Variants in KCNH8 observed in about 807,000 individuals in gnomAD.
KCNH8 encodes potassium voltage-gated channel subfamily H member 8, also known as voltage-gated delayed rectifier potassium channel KCNH8.
A neutral mutation model predicts 103.6 loss-of-function variants in KCNH8; 70 were observed. The ratio of observed to expected loss-of-function variants is 0.68; its 90% CI spans 0.56 to 0.82. The LOEUF (loss-of-function observed/expected upper bound fraction) is 0.82. KCNH8 is among the 40% of genes least tolerant of loss of function. KCNH8 has a pLI of 0.00. For synonymous variants in KCNH8, 498 were observed against 489.4 expected, an observed-to-expected ratio of 1.02 and a Z score of -0.23; for missense variants, 1,217 against 1,329.9, an observed-to-expected ratio of 0.92 and a Z score of 1.32.
At chr3:19,443,384 A>G (rs1374326539) in intron 8 of KCNH8, among the ~76,000 whole-genome samples, 1 of 150,216 alleles carries the variant, frequency 6.7e-6, no homozygotes. Context: ...ATATATATAT[A>G]TAAATATACA....
intron 11 of KCNH8, among the ~76,000 whole-genome samples, chr3:19,487,039 G>T (rs369095427): frequency 6.6e-6 from 1 of 152,194 alleles, no homozygotes; most frequent in Non-Finnish European, 1.5e-5. Context: ...CCAGCAGAAG[G>T]TCGTTCATGT....
chr3:19,469,047 A>G (rs1575103408), intron 11 of KCNH8, among the ~76,000 whole-genome samples: 1 of 152,218 alleles, frequency 6.6e-6, no homozygotes, highest in East Asian at 1.9e-4. Context: ...AATTTTTTAA[A>G]TCATATCTGA....
chr3:19,264,970 A>T (rs2064487667), intron 2 of KCNH8, among the ~76,000 whole-genome samples: 1 of 152,022 alleles, frequency 6.6e-6, no homozygotes, highest in Admixed American at 6.6e-5. Context: ...TAAGCTTTCC[A>T]CCTAGGAAGC....
At chr3:19,488,001 T>G (rs7641665) in intron 11 of KCNH8, among the ~76,000 whole-genome samples, 6 of 152,100 alleles carry the variant, frequency 3.9e-5, no homozygotes, top group Admixed American at 3.9e-4. Context: ...GCACCAGTAT[T>G]GACCAAAAAC....
intron 4 of KCNH8, among the ~76,000 whole-genome samples, chr3:19,344,712 A>G (rs1345015264): frequency 1.3e-5 from 2 of 152,116 alleles, no homozygotes; most frequent in African/African-American, 4.8e-5. Context: ...TATTGAATAA[A>G]CAATAAATTT....
At chr3:19,202,493 G>T (rs567966203) in intron 1 of KCNH8, among the ~76,000 whole-genome samples, 1 of 152,178 alleles carries the variant, frequency 6.6e-6, no homozygotes, top group East Asian at 1.9e-4. Context: ...AATTGTGTTT[G>T]CCGATAATAC....
chr3:19,203,957 A>G (rs79954124), intron 1 of KCNH8, among the ~76,000 whole-genome samples: 2,998 of 152,186 alleles, frequency 0.02, 95 homozygotes, highest in African/African-American at 0.067. Flanking sequence ...ATAAGTGCCA[A>G]TTTTATTTTT....
At chr3:19,344,280 A>C (rs1235197504) in intron 4 of KCNH8, among the ~76,000 whole-genome samples, 1 of 152,118 alleles carries the variant, frequency 6.6e-6, no homozygotes, top group Non-Finnish European at 1.5e-5. Context: ...TAAGGCTGAA[A>C]GCTGACACTG....
chr3:19,301,673 G>A (rs756659991), intron 3 of KCNH8, among the ~76,000 whole-genome samples: 3 of 152,132 alleles, frequency 2.0e-5, no homozygotes, highest in Non-Finnish European at 4.4e-5. Flanking sequence ...TCTGAAGTTA[G>A]TGAAGACCCC....
At chr3:19,471,556 G>C (rs551566795) in intron 11 of KCNH8, among the ~76,000 whole-genome samples, 1 of 152,270 alleles carries the variant, frequency 6.6e-6, no homozygotes, top group African/African-American at 2.4e-5. Flanking sequence ...TAGCTCCTAG[G>C]AGCCAAGCTG....
rs147943877 is a variant in KCNH8 at position 19,324,643 on chromosome 3, A to G, written c.443-17944A>G. Among the ~76,000 whole-genome samples the G allele has an allele frequency of 4.7e-3, 720 of 152,304 alleles. 5 individuals carry two copies. Among genetic ancestry groups the G allele is most frequent in the African/African-American group, 0.016 (666 of 41,548 alleles). ...ATACAGCTTGCTAGGGGGGTGAAAG[A>G]TCTCCATAGGGAGTACTACAAACTA... On this transcript the variant is annotated intron_variant, in intron 3 of 15. Transcript: ENST00000328405.
intron 15 of KCNH8, among the ~76,000 whole-genome samples, chr3:19,528,537 A>C (rs1327840594): frequency 6.6e-6 from 1 of 152,096 alleles, no homozygotes; most frequent in Non-Finnish European, 1.5e-5. Context: ...CCTGCACTTA[A>C]AATGAAGGGA....
In KCNH8 at chr3:19,395,126, A is replaced by G. The variant is rs747694669; in HGVS notation, c.992A>G (p.Lys331Arg). ...CAGGTGTCTCTCGTGCATCTTCTAAAGACAGTGCGCCTCTTGCGTCTTTTG... is the reference window on the plus strand; with the variant it reads ...CAGGTGTCTCTCGTGCATCTTCTAAGGACAGTGCGCCTCTTGCGTCTTTTG... ...VTVVSLVHLLKTVRLLRLLRL... is the reference protein window; with the variant it reads ...VTVVSLVHLLRTVRLLRLLRL... Residue 331 changes from lysine to arginine, a missense_variant, in exon 7 of 16, where the codon AAG becomes AGG. Transcript: ENST00000328405. 13 of 1,611,938 alleles carry G rather than the reference A, an allele frequency of 8.1e-6. No individual in the cohort carries two copies. In the African/African-American group the frequency reaches 1.5e-4, roughly 18 times the overall value.
At chr3:19,348,548 G>A (rs188516772) in intron 5 of KCNH8, among the ~76,000 whole-genome samples, 25 of 152,144 alleles carry the variant, frequency 1.6e-4, no homozygotes, top group Admixed American at 1.5e-3. Flanking sequence ...TTGAAGCTGC[G>A]TCTGTGCCAA....
At chr3:19,485,102 A>G (rs2068177430) in intron 11 of KCNH8, among the ~76,000 whole-genome samples, 1 of 152,152 alleles carries the variant, frequency 6.6e-6, no homozygotes, top group South Asian at 2.1e-4. Context: ...GTAGCTTCCA[A>G]GTGATTCCTA....
rs774605780 is a variant in KCNH8 at position 19,533,723 on chromosome 3, G to A, written c.2948G>A (p.Ser983Asn). The A allele has an allele frequency of 2.5e-6, 4 of 1,614,156 alleles. No homozygotes were observed. The Admixed American group carries it at 5.0e-5, about 20-fold the overall frequency. ...TGAHEQNPAD[S>N]ELYHSPSLDY... ...GCTCATGAGCAAAATCCTGCAGACA[G>A]TGAACTTTATCATTCTCCAAGCCTT... The change falls in exon 16 of 16, where the codon AGT becomes AAT. Residue 983 changes from serine to asparagine, a missense_variant. Physicochemically the swap from Ser to Asn is conservative, Grantham distance 46 (BLOSUM62 1). Transcript: ENST00000328405.
At chr3:19,456,701 T>A in intron 10 of KCNH8, 67 bp from the exon 11 acceptor site, 1 of 1,014,112 alleles carries the variant, frequency 9.9e-7, no homozygotes, top group Admixed American at 1.9e-5. Context: ...AGCCTGTAAG[T>A]CAAATGAGGT....
chr3:19,343,800 T>C (rs534219898), intron 4 of KCNH8, among the ~76,000 whole-genome samples: 1 of 152,154 alleles, frequency 6.6e-6, no homozygotes, highest in Admixed American at 6.6e-5. Flanking sequence ...CTGATTGTAG[T>C]GAACAAAGAA....
chr3:19,155,345 G>T (rs914499541), intron 1 of KCNH8, among the ~76,000 whole-genome samples: 2 of 151,932 alleles, frequency 1.3e-5, no homozygotes, highest in Non-Finnish European at 2.9e-5. Context: ...CCTCTTTATT[G>T]CTTCTGTTTT....
Sources: gnomAD v4.1 joint callset for allele counts (sites outside exome capture counted in the v4.1 genomes callset) on GRCh38, gnomAD v4.1.1 for gene constraint, MANE v1.5 for transcripts, NCBI Gene and HGNC (gene_info 2026-07-23, HGNC 2026-07-21) for gene names.